Variants in MEI4 observed in about 807,000 individuals in gnomAD.
MEI4 encodes the protein meiosis-specific protein MEI4.
MEI4 carries 27 observed loss-of-function variants against 31.4 expected under a neutral mutation model. The ratio of observed to expected loss-of-function variants is 0.86; its 90% CI spans 0.63 to 1.19. The LOEUF (loss-of-function observed/expected upper bound fraction) is 1.19, where lower values mean the gene tolerates loss of function less well. MEI4 is among the 50% of genes most tolerant of loss of function. The pLI is 0.00. For missense variants in MEI4, 329 were observed against 398.9 expected, an observed-to-expected ratio of 0.82 and a Z score of 1.49; for synonymous variants, 122 against 145.4, an observed-to-expected ratio of 0.84 and a Z score of 1.16.
chr6:77,672,979 T>C (rs1021652923), intron 1 of MEI4, among the ~76,000 whole-genome samples: 2 of 152,232 alleles, frequency 1.3e-5, no homozygotes, highest in Non-Finnish European at 2.9e-5. Flanking sequence ...CAGTGCAAAC[T>C]TTAATAACAG....
intron 3 of MEI4, among the ~76,000 whole-genome samples, chr6:77,797,706 C>T (rs973796513): frequency 5.3e-5 from 8 of 152,080 alleles, no homozygotes; most frequent in Non-Finnish European, 8.8e-5. Context: ...AGTTGAAAGC[C>T]GGAAGACTCA....
chr6:77,686,628 A>G (rs1476691737), intron 1 of MEI4, among the ~76,000 whole-genome samples: 1 of 152,114 alleles, frequency 6.6e-6, no homozygotes, highest in African/African-American at 2.4e-5. Flanking sequence ...GATCTCTATT[A>G]TTAGATATTC....
At chr6:77,781,628 C>G (rs777026407) in intron 3 of MEI4, among the ~76,000 whole-genome samples, 4 of 152,016 alleles carry the variant, frequency 2.6e-5, no homozygotes, top group Non-Finnish European at 4.4e-5. Flanking sequence ...TAAGTTCTTT[C>G]TATATGTTTT....
chr6:77,915,345 G>T (rs1306063181), intron 4 of MEI4, among the ~76,000 whole-genome samples: 4 of 152,038 alleles, frequency 2.6e-5, no homozygotes, highest in African/African-American at 9.7e-5. Context: ...AGTCTCATGA[G>T]ATTTTGCTTG....
chr6:77,865,687 C>G (rs1000240741), intron 4 of MEI4, among the ~76,000 whole-genome samples: 1 of 152,124 alleles, frequency 6.6e-6, no homozygotes, highest in Non-Finnish European at 1.5e-5. Context: ...TGAAACTATT[C>G]CAATCAATAG....
At chr6:77,796,051 T>C (rs1769066450) in intron 3 of MEI4, among the ~76,000 whole-genome samples, 1 of 152,174 alleles carries the variant, frequency 6.6e-6, no homozygotes, top group Non-Finnish European at 1.5e-5. Context: ...AAGATCCTAT[T>C]CTATGATAGG....
intron 2 of MEI4, among the ~76,000 whole-genome samples, chr6:77,746,324 G>A (rs1001322702): frequency 2.0e-5 from 3 of 152,192 alleles, no homozygotes; most frequent in African/African-American, 7.2e-5. Context: ...GGTAGGCTGA[G>A]TAAAGCAGAT....
intron 3 of MEI4, among the ~76,000 whole-genome samples, chr6:77,777,138 C>G (rs1358837884): frequency 6.6e-6 from 1 of 151,940 alleles, no homozygotes; most frequent in Non-Finnish European, 1.5e-5. Flanking sequence ...TAGTAAAGAA[C>G]TTTTTTAAAA....
intron 2 of MEI4, among the ~76,000 whole-genome samples, chr6:77,734,407 C>G (rs924300926): frequency 9.9e-5 from 15 of 151,946 alleles, no homozygotes; most frequent in African/African-American, 3.6e-4. Context: ...TTCTTTGTGT[C>G]TTTTGATCTT....
At chr6:77,878,698 G>A (rs958827664) in intron 4 of MEI4, among the ~76,000 whole-genome samples, 6 of 151,770 alleles carry the variant, frequency 4.0e-5, no homozygotes, top group Non-Finnish European at 7.4e-5. Context: ...AACACAAACC[G>A]CTCAAGTGAA....
At chr6:77,806,328 C>T (rs1463896547) in intron 3 of MEI4, among the ~76,000 whole-genome samples, 1 of 152,106 alleles carries the variant, frequency 6.6e-6, no homozygotes, top group Admixed American at 6.6e-5. Flanking sequence ...TCTATAATAG[C>T]ATACTTATTG....
chr6:77,670,102 C>T (rs1002333697), intron 1 of MEI4, among the ~76,000 whole-genome samples: 4 of 152,114 alleles, frequency 2.6e-5, no homozygotes, highest in Non-Finnish European at 5.9e-5. Flanking sequence ...CATTGTTGGA[C>T]AGCTCCCATC....
intron 3 of MEI4, among the ~76,000 whole-genome samples, chr6:77,790,561 A>G (rs1228957013): frequency 6.6e-6 from 1 of 152,012 alleles, no homozygotes; most frequent in African/African-American, 2.4e-5. Context: ...ATTTATAAAA[A>G]TAGAAAAACT....
intron 4 of MEI4, among the ~76,000 whole-genome samples, chr6:77,914,012 C>T (rs1766488045): frequency 1.4e-5 from 2 of 142,730 alleles, no homozygotes; most frequent in African/African-American, 2.6e-5. Flanking sequence ...CCATCCTGGC[C>T]AGCAGAGTGA....
intron 2 of MEI4, among the ~76,000 whole-genome samples, chr6:77,704,754 C>T (rs899582746): frequency 5.3e-5 from 8 of 151,988 alleles, no homozygotes; most frequent in South Asian, 2.1e-4. Context: ...ACCAGAGAAG[C>T]GTCAAAGGAA....
At chr6:77,901,815 T>G (rs2127735346) in intron 4 of MEI4, among the ~76,000 whole-genome samples, 1 of 152,204 alleles carries the variant, frequency 6.6e-6, no homozygotes, top group Middle Eastern at 3.4e-3. Context: ...CTTTCTCCTT[T>G]TTTATGTAGC....
intron 2 of MEI4, among the ~76,000 whole-genome samples, chr6:77,733,546 T>C (rs1161948524): frequency 2.0e-5 from 3 of 152,032 alleles, no homozygotes; most frequent in Non-Finnish European, 2.9e-5. Flanking sequence ...TGCTAGCGGT[T>C]TATCAGTTTT....
rs1766828555 is a variant in MEI4 at position 77,925,788 on chromosome 6, GAGTAAA to G, written c.*2443_*2448del. 4 of 145,844 alleles carry G rather than the reference GAGTAAA, an allele frequency of 2.7e-5. No homozygotes were observed. The highest frequency in any genetic ancestry group is 1.0e-4 in the African/African-American group (4 of 38,914). 9.0% of individuals were successfully genotyped at this position (145,844 alleles called of 1,614,324 possible). A position where few individuals can be genotyped will look rare whatever the true frequency, so the allele number is the denominator to read the frequency against. On this transcript the variant is annotated 3_prime_UTR_variant, in exon 5 of 5. Transcript: ENST00000684080. The stretch of plus-strand genomic sequence containing the variant: ...ATATATGATAATATATTTTATATGA[GAGTAAA>G]TATATATTAAATATTTTATATACAT...
At chr6:77,762,812 G>T (rs1768075511) in intron 3 of MEI4, among the ~76,000 whole-genome samples, 2 of 152,074 alleles carry the variant, frequency 1.3e-5, no homozygotes, top group Non-Finnish European at 2.9e-5. Flanking sequence ...TCTGGAAAAT[G>T]GAAATCTTTT....
Sources: gnomAD v4.1 joint callset for allele counts (sites outside exome capture counted in the v4.1 genomes callset) on GRCh38, gnomAD v4.1.1 for gene constraint, MANE v1.5 for transcripts, NCBI Gene and HGNC (gene_info 2026-07-23, HGNC 2026-07-21) for gene names.